The following PTPRT variants were observed in gnomAD, a reference collection of about 807,000 sequenced individuals.
PTPRT encodes receptor-type tyrosine-protein phosphatase T.
In PTPRT, 56 loss-of-function variants were observed where a neutral mutation model predicts 176.8. The ratio of observed to expected loss-of-function variants is 0.32; its 90% confidence interval spans 0.26 to 0.40. PTPRT has a LOEUF of 0.40. Among genes scored for constraint, PTPRT ranks in the 10% least tolerant of loss-of-function variants. The probability of loss-of-function intolerance (pLI) is 1.00; values close to 1 mark genes in which losing one functional copy is unlikely to be tolerated. For missense variants in PTPRT, 1,540 were observed against 1,908.2 expected (o/e 0.81, Z 3.60); for synonymous variants, 783 against 739.0 (o/e 1.06, Z -0.96).
At chr20:42,321,389 A>C (rs1378543685) in intron 11 of PTPRT, among the ~76,000 whole-genome samples, 1 of 152,186 alleles carries the variant, frequency 6.6e-6, no homozygotes, top group African/African-American at 2.4e-5. Flanking sequence ...AGATAGTTAA[A>C]TGTGCAGCTA....
chr20:42,117,358 A>G (rs1404156665), intron 21 of PTPRT, among the ~76,000 whole-genome samples: 1 of 152,242 alleles, frequency 6.6e-6, no homozygotes, highest in East Asian at 1.9e-4. Flanking sequence ...GAGCCCTTTT[A>G]ATTCTCGTGT....
intron 1 of PTPRT, among the ~76,000 whole-genome samples, chr20:42,961,176 T>C (rs961620206): frequency 6.6e-6 from 1 of 152,068 alleles, no homozygotes; most frequent in Non-Finnish European, 1.5e-5. Flanking sequence ...TGAAATCCAA[T>C]TGTTGATAAG....
At chr20:42,762,959 C>T (rs927088172) in intron 5 of PTPRT, among the ~76,000 whole-genome samples, 14 of 152,094 alleles carry the variant, frequency 9.2e-5, no homozygotes, top group African/African-American at 2.4e-4. Flanking sequence ...GTGGATAAGT[C>T]GGCTTGGTTT....
At chr20:42,371,488 T>A (rs1280958822) in intron 9 of PTPRT, among the ~76,000 whole-genome samples, 1 of 150,076 alleles carries the variant, frequency 6.7e-6, no homozygotes, top group Admixed American at 6.6e-5. Context: ...TTCACATTTA[T>A]CTGTTTATCT....
intron 27 of PTPRT, among the ~76,000 whole-genome samples, chr20:42,089,279 C>G (rs1243940181): frequency 6.6e-6 from 1 of 152,062 alleles, no homozygotes; most frequent in Non-Finnish European, 1.5e-5. Flanking sequence ...GAGATTGGTA[C>G]AAATAAGTCT....
intron 7 of PTPRT, among the ~76,000 whole-genome samples, chr20:42,631,967 T>A (rs1304225220): frequency 1.3e-5 from 2 of 152,088 alleles, no homozygotes; most frequent in African/African-American, 4.8e-5. Flanking sequence ...ATGCAAACAA[T>A]GTGATTTATG....
At chr20:42,334,733 T>G (rs1392669281) in intron 11 of PTPRT, among the ~76,000 whole-genome samples, 2 of 152,246 alleles carry the variant, frequency 1.3e-5, no homozygotes, top group African/African-American at 2.4e-5. Flanking sequence ...ACTTGAATTT[T>G]AGCTCTGAAT....
chr20:42,497,725 T>C (rs2145404761), intron 7 of PTPRT, among the ~76,000 whole-genome samples: 1 of 152,310 alleles, frequency 6.6e-6, no homozygotes, highest in African/African-American at 2.4e-5. Context: ...ACTCCAATGA[T>C]ATTAGAGTCT....
chr20:42,307,597 G>C (rs1034974382), intron 12 of PTPRT, among the ~76,000 whole-genome samples: 4 of 152,102 alleles, frequency 2.6e-5, no homozygotes, highest in Non-Finnish European at 4.4e-5. Context: ...CATGCGAACA[G>C]TCACTGAACT....
intron 7 of PTPRT, among the ~76,000 whole-genome samples, chr20:42,523,225 T>A (rs189938768): frequency 6.6e-6 from 1 of 152,180 alleles, no homozygotes; most frequent in East Asian, 1.9e-4. Flanking sequence ...CTGAAGCCCA[T>A]ACGATGCCTT....
chr20:42,718,317 C>G (rs1255592581), intron 6 of PTPRT, among the ~76,000 whole-genome samples: 2 of 152,166 alleles, frequency 1.3e-5, no homozygotes, highest in African/African-American at 4.8e-5. Context: ...GCGGGTGGAT[C>G]ACGAGGTCAG....
intron 7 of PTPRT, among the ~76,000 whole-genome samples, chr20:42,584,815 A>G (rs1229308950): frequency 3.9e-5 from 6 of 152,226 alleles, no homozygotes; most frequent in Non-Finnish European, 8.8e-5. Flanking sequence ...AAATGAATGA[A>G]TGAATTAATT....
chr20:42,704,046 T>TC (rs1157494898), intron 6 of PTPRT, among the ~76,000 whole-genome samples: 2 of 152,178 alleles, frequency 1.3e-5, no homozygotes, highest in African/African-American at 4.8e-5. Flanking sequence ...TATTTTTTTT[T>TC]CTAAGCAAGA....
At chr20:43,088,046 A>G (rs977716943) in intron 1 of PTPRT, among the ~76,000 whole-genome samples, 1 of 125,758 alleles carries the variant, frequency 8.0e-6, no homozygotes, top group African/African-American at 3.0e-5. Context: ...AACATTTCCA[A>G]CACAAATAAA....
chr20:42,814,669 T>C (rs562156913), intron 2 of PTPRT, among the ~76,000 whole-genome samples: 111 of 152,354 alleles, frequency 7.3e-4, no homozygotes, highest in Non-Finnish European at 1.0e-3. Context: ...AGTGCCATGT[T>C]TCATCAGGAG....
At chr20:43,027,004 G>C (rs1760807309) in intron 1 of PTPRT, among the ~76,000 whole-genome samples, 1 of 151,994 alleles carries the variant, frequency 6.6e-6, no homozygotes, top group South Asian at 2.1e-4. Context: ...TCCAAATCTT[G>C]GCTATTGTGA....
intron 1 of PTPRT, among the ~76,000 whole-genome samples, chr20:42,982,265 G>A (rs895305558): frequency 6.6e-6 from 1 of 151,930 alleles, no homozygotes. Flanking sequence ...CTGGGTGGTG[G>A]AGAGAGAGAG....
chr20:42,319,007 G>A (rs1283867137), intron 11 of PTPRT, among the ~76,000 whole-genome samples: 1 of 152,046 alleles, frequency 6.6e-6, no homozygotes, highest in Admixed American at 6.5e-5. Context: ...GGTTCTCACT[G>A]GGCTCTGAAC....
At chr20:42,104,518 T>A in intron 25 of PTPRT, 51 bp downstream of exon 25, 1 of 1,533,230 alleles carries the variant, frequency 6.5e-7, no homozygotes, top group Non-Finnish European at 8.9e-7. Flanking sequence ...AAATTTGTTA[T>A]AACAACCCAA....
Sources: gnomAD v4.1 joint callset for allele counts (sites outside exome capture counted in the v4.1 genomes callset) on GRCh38, gnomAD v4.1.1 for gene constraint, MANE v1.5 for transcripts, NCBI Gene and HGNC (gene_info 2026-07-23, HGNC 2026-07-21) for gene names.